Variants in MIPEP observed in about 807,000 individuals in gnomAD.
MIPEP encodes mitochondrial intermediate peptidase.
A neutral mutation model predicts 90.3 loss-of-function variants in MIPEP; 79 were observed. That is an observed-to-expected ratio of 0.87 (90% CI 0.73 to 1.05). MIPEP has a LOEUF of 1.05. MIPEP is among the 50% of genes least tolerant of loss of function. The pLI, the probability that MIPEP is intolerant of heterozygous loss-of-function variation, is 0.00. For missense variants in MIPEP, 940 were observed against 905.6 expected (o/e 1.04, Z -0.49); for synonymous variants, 334 against 315.8 (o/e 1.06, Z -0.61).
intron 14 of MIPEP, among the ~76,000 whole-genome samples, chr13:23,816,830 C>T (rs984984350): frequency 3.9e-5 from 6 of 152,194 alleles, no homozygotes; most frequent in African/African-American, 1.4e-4. Context: ...AAATGGCCTA[C>T]AAGTGAATGC....
At chr13:23,764,428 G>C (rs1285231233) in intron 16 of MIPEP, among the ~76,000 whole-genome samples, 1 of 152,172 alleles carries the variant, frequency 6.6e-6, no homozygotes, top group Admixed American at 6.5e-5. Context: ...AAATGGAAAG[G>C]TAGCAATGAG....
intron 16 of MIPEP, among the ~76,000 whole-genome samples, chr13:23,767,290 A>G (rs1026272437): frequency 2.6e-5 from 4 of 152,374 alleles, no homozygotes; most frequent in Middle Eastern, 3.4e-3. Context: ...CTACATTTGT[A>G]GAAATTTTTA....
At position 23,889,112 on chromosome 13, in the gene MIPEP, GCTCCTC is replaced by G; in HGVS notation, c.189+14_189+19del. The stretch of plus-strand genomic sequence containing the variant: ...CGGCTTAGCTCGGGGACTGAGGGGA[GCTCCTC>G]CTGCGCCGCTCACCCGGCGCTCGCC... On this transcript the variant is annotated intron_variant, in intron 1 of 18. Transcript: ENST00000382172. The G allele has an allele frequency of 7.2e-7, 1 of 1,394,568 alleles. No individual in the cohort carries two copies. Among genetic ancestry groups the G allele is most frequent in the Non-Finnish European group, 9.3e-7 (1 of 1,075,734 alleles). The allele number at this position is 1,394,568 out of a possible 1,614,324, so 86.4% of individuals were successfully genotyped here.
Position 23,837,741 on chromosome 13 carries a change from T to G in MIPEP, c.1354A>C (p.Ile452Leu), listed in dbSNP as rs756060769. The change falls in exon 13 of 19, where the codon ATC becomes CTC. Residue 452 changes from isoleucine to leucine, a missense_variant. Physicochemically the swap from Ile to Leu is conservative, Grantham distance 5. Coordinates refer to ENST00000382172, the MANE Select transcript of MIPEP (RefSeq NM_005932.4). ...DKPHQDCHFT[I>L]RGGRLKEDGD... is the part of the protein sequence containing the mutation. ...TCTTCCTTTAGTCTGCCTCCACGGATAGTGAAATGGCAATCCTTTAAGAAT... is the reference window on the plus strand; with the variant it reads ...TCTTCCTTTAGTCTGCCTCCACGGAGAGTGAAATGGCAATCCTTTAAGAAT... 4.8e-5 allele frequency: 77 copies of G among 1,611,932 alleles called. No homozygotes were observed. In the Admixed American group the frequency reaches 1.3e-3, roughly 27 times the overall value.
intron 1 of MIPEP, chr13:23,888,083 A>C (rs929362785): frequency 4.0e-5 from 17 of 423,150 alleles, no homozygotes; most frequent in African/African-American, 3.1e-4. Flanking sequence ...AAAATCTGCT[A>C]TCAGTGCCGA....
chr13:23,841,482 A>C lies in MIPEP; in HGVS notation c.1113T>G (p.Asn371Lys). The part of the protein sequence containing the change: ...YSGVIRAERY[N>K]IEPSLYCPFF... ...ACGGGCAATATAGGCTGGGCTCAAT[A>C]TTATACCTAAGAGAAGGAAGAGAGG... is the stretch of plus-strand genomic sequence containing the variant. Residue 371 changes from asparagine to lysine, a missense_variant, in exon 11 of 19, where the codon AAT (asparagine) becomes AAG (lysine). Transcript: ENST00000382172. The C allele has an allele frequency of 6.2e-7, 1 of 1,605,634 alleles. No homozygotes were observed. Among genetic ancestry groups the C allele is most frequent in the Non-Finnish European group, 8.5e-7 (1 of 1,177,986 alleles).
At chr13:23,752,827 T>C (rs1324784751) in intron 18 of MIPEP, among the ~76,000 whole-genome samples, 1 of 152,086 alleles carries the variant, frequency 6.6e-6, no homozygotes, top group African/African-American at 2.4e-5. Flanking sequence ...TATGAATGTG[T>C]TTAAAAATAG....
At position 23,760,235 on chromosome 13, in the gene MIPEP, A is replaced by T. The variant is rs1256158666; in HGVS notation, c.1849-18T>A. 6.2e-7 allele frequency: 1 copy of T among 1,614,008 alleles called. No individual in the cohort carries two copies. The highest frequency in any genetic ancestry group is 8.5e-7 in the Non-Finnish European group (1 of 1,179,964). Reference sequence around the variant, plus strand: ...TGCCAGGCCTGCCAAGAACAGAGAGACACAGCACGGGACACAAGTCAGTTT... The same window carrying T: ...TGCCAGGCCTGCCAAGAACAGAGAGTCACAGCACGGGACACAAGTCAGTTT... On this transcript the variant is annotated intron_variant, in intron 16 of 18. Transcript: ENST00000382172.
At chr13:23,738,094 T>C (rs1442386873) in intron 18 of MIPEP, among the ~76,000 whole-genome samples, 9 of 152,182 alleles carry the variant, frequency 5.9e-5, no homozygotes, top group Admixed American at 5.9e-4. Context: ...TTTCCATTCA[T>C]TCATCCATTC....
At chr13:23,807,328 C>T (rs1033039997) in intron 15 of MIPEP, among the ~76,000 whole-genome samples, 1 of 152,126 alleles carries the variant, frequency 6.6e-6, no homozygotes, top group Admixed American at 6.5e-5. Context: ...GTAGAAAATG[C>T]TTTATTTTAA....
At chr13:23,793,836 T>A (rs1349146320) in intron 16 of MIPEP, among the ~76,000 whole-genome samples, 2 of 151,872 alleles carry the variant, frequency 1.3e-5, no homozygotes. Flanking sequence ...CAGAAACAAG[T>A]GCCAAGACTC....
intron 16 of MIPEP, among the ~76,000 whole-genome samples, chr13:23,792,484 A>ATCC (rs1952907433): frequency 6.6e-6 from 1 of 152,116 alleles, no homozygotes; most frequent in African/African-American, 2.4e-5. Flanking sequence ...GACTCAAGTG[A>ATCC]TCCTCCCACC....
In MIPEP at chr13:23,805,947, C is replaced by T; in HGVS notation, c.1848+3G>A. ...CAAAACAGAAGCCAAATGCTGGACT[C>T]ACAGTATTTGGAACATATGGTAGGC... On this transcript the variant is annotated splice_donor_region_variant and intron_variant, in intron 16 of 18. Transcript: ENST00000382172. The T allele has an allele frequency of 6.2e-7, 1 of 1,613,546 alleles. No homozygotes were observed. The highest frequency in any genetic ancestry group is 1.7e-4 in the Middle Eastern group (1 of 6,056).
rs565256567 is a variant in MIPEP at position 23,781,550 on chromosome 13, C to T, written c.1849-21333G>A. ...GCTAGGAAGAAACTGCATCAACTAG[C>T]GAGCAAAATAACCAGCTAACATCAT... On this transcript the variant is annotated intron_variant, in intron 16 of 18. Transcript: ENST00000382172. Among the ~76,000 whole-genome samples, 444 of 152,250 alleles carry T rather than the reference C, an allele frequency of 2.9e-3. 2 individuals carry two copies. Among genetic ancestry groups the T allele is most frequent in the Middle Eastern group, 0.024 (7 of 294 alleles).
intron 12 of MIPEP, among the ~76,000 whole-genome samples, chr13:23,838,440 G>A (rs573867337): frequency 3.9e-5 from 6 of 152,042 alleles, no homozygotes; most frequent in African/African-American, 9.7e-5. Context: ...GAGCCACCGC[G>A]CCCAGCCTCT....
At chr13:23,840,265 A>C (rs938069329) in intron 11 of MIPEP, among the ~76,000 whole-genome samples, 2 of 152,196 alleles carry the variant, frequency 1.3e-5, no homozygotes, top group African/African-American at 4.8e-5. Context: ...GAATTTAATG[A>C]TTCCATCAAA....
intron 16 of MIPEP, among the ~76,000 whole-genome samples, chr13:23,789,783 C>T (rs1190843606): frequency 6.6e-6 from 1 of 152,188 alleles, no homozygotes; most frequent in Non-Finnish European, 1.5e-5. Flanking sequence ...TCGTGCTCTG[C>T]TGGGAATTCC....
chr13:23,797,849 T>A (rs927788975), intron 16 of MIPEP, among the ~76,000 whole-genome samples: 16 of 152,278 alleles, frequency 1.1e-4, no homozygotes, highest in African/African-American at 3.6e-4. Flanking sequence ...TCATCTTTTA[T>A]GCTCAGTCTC....
chr13:23,801,352 A>C (rs1953038286), intron 16 of MIPEP, among the ~76,000 whole-genome samples: 1 of 151,432 alleles, frequency 6.6e-6, no homozygotes, highest in Non-Finnish European at 1.5e-5. Flanking sequence ...TCAATCTTCC[A>C]CTCCCCACAG....
Sources: gnomAD v4.1 joint callset for allele counts (sites outside exome capture counted in the v4.1 genomes callset) on GRCh38, gnomAD v4.1.1 for gene constraint, MANE v1.5 for transcripts, NCBI Gene and HGNC (gene_info 2026-07-23, HGNC 2026-07-21) for gene names.